ANO2: variants seen among roughly 807,000 people sequenced by gnomAD.
ANO2 encodes anoctamin-2.
In ANO2, 101 loss-of-function variants were observed where a neutral mutation model predicts 124.2. The observed-to-expected ratio is 0.81, with a 90% confidence interval of 0.69 to 0.96. The LOEUF is 0.96. Ranked by LOEUF, ANO2 falls within the 40% of genes least tolerant of loss-of-function variation. ANO2 has a pLI of 0.00. For synonymous variants in ANO2, 486 were observed against 482.5 expected (o/e 1.01, Z -0.09); for missense variants, 1,293 against 1,274.5 (o/e 1.01, Z -0.22).
intron 10 of ANO2, among the ~76,000 whole-genome samples, chr12:5,771,761 C>T (rs1325052125): frequency 6.6e-6 from 1 of 152,092 alleles, no homozygotes; most frequent in Non-Finnish European, 1.5e-5. Flanking sequence ...GAGCAAGATT[C>T]TGTCTCAAAA....
intron 20 of ANO2, among the ~76,000 whole-genome samples, chr12:5,580,389 A>T (rs1309238828): frequency 6.6e-6 from 1 of 152,238 alleles, no homozygotes; most frequent in Non-Finnish European, 1.5e-5. Context: ...CTGTATACTT[A>T]TATGCTAAAC....
chr12:5,808,890 C>T (rs1234729559), intron 7 of ANO2, among the ~76,000 whole-genome samples: 1 of 152,122 alleles, frequency 6.6e-6, no homozygotes, highest in African/African-American at 2.4e-5. Context: ...GCCACAGTTC[C>T]AGGACATTGG....
chr12:5,873,996 C>G (rs1162914118), intron 3 of ANO2, among the ~76,000 whole-genome samples: 2 of 152,198 alleles, frequency 1.3e-5, no homozygotes, highest in African/African-American at 2.4e-5. Context: ...TTGGGCAGAC[C>G]AGGATAGAGG....
chr12:5,732,377 C>T (rs1309137310), intron 14 of ANO2, 143 bp downstream of exon 14: 8 of 633,818 alleles, frequency 1.3e-5, no homozygotes, highest in East Asian at 8.3e-5. Context: ...CAGGACAATG[C>T]GAGATGTCAT....
At position 5,913,668 on chromosome 12, in the gene ANO2, T is replaced by G. The variant is rs1591784183; in HGVS notation, c.534+7372A>C. The stretch of plus-strand genomic sequence containing the variant: ...CCAGCAGGACCCCTTAGTGGCAGCG[T>G]GACCTTGGCCAAGCCACTTGGCCTG... On this transcript the variant is annotated intron_variant, in intron 3 of 24. Transcript: ENST00000682330. 4.6e-5 allele frequency among the ~76,000 whole-genome samples: 7 copies of G among 152,236 alleles called. No individual in the cohort carries two copies. In the South Asian group the frequency reaches 1.4e-3, roughly 31 times the overall value.
intron 3 of ANO2, among the ~76,000 whole-genome samples, chr12:5,906,220 C>G (rs1266932855): frequency 2.0e-5 from 3 of 152,070 alleles, no homozygotes; most frequent in Non-Finnish European, 4.4e-5. Flanking sequence ...CCTGTCAACT[C>G]AAGCTCCTGG....
At chr12:5,929,574 G>A (rs377682824) in intron 1 of ANO2, among the ~76,000 whole-genome samples, 130 of 51,154 alleles carry the variant, frequency 2.5e-3, no homozygotes, top group Admixed American at 7.3e-3. Flanking sequence ...TCACTCGTCT[G>A]CCTTCTTTCC....
chr12:5,880,576 C>G (rs975952100), intron 3 of ANO2, among the ~76,000 whole-genome samples: 6 of 151,868 alleles, frequency 4.0e-5, no homozygotes, highest in African/African-American at 1.5e-4. Flanking sequence ...CCTGGACACC[C>G]AAGGGAGGGA....
chr12:5,704,684 G>T (rs1206866086), intron 14 of ANO2, among the ~76,000 whole-genome samples: 2 of 142,152 alleles, frequency 1.4e-5, no homozygotes, highest in African/African-American at 5.6e-5. Context: ...AAGAGTAAGT[G>T]CTTGGTGTGT....
intron 3 of ANO2, among the ~76,000 whole-genome samples, chr12:5,864,398 C>T (rs183153435): frequency 4.9e-4 from 74 of 152,344 alleles, no homozygotes; most frequent in Admixed American, 9.8e-4. Context: ...CCTGGGCTTC[C>T]AGCACACAGA....
rs367867168 is a variant in ANO2, at chr12:5,806,039, G to A, written c.990+13C>T. The A allele has an allele frequency of 2.0e-5, 33 of 1,613,192 alleles. No individual in the cohort carries two copies. Among genetic ancestry groups the A allele is most frequent in the East Asian group, 4.5e-5 (2 of 44,856 alleles). On this transcript the variant is annotated intron_variant, in intron 9 of 24. Coordinates refer to ENST00000682330, the MANE Select transcript of ANO2 (RefSeq NM_001364791.2). The stretch of plus-strand genomic sequence containing the variant: ...ATGCCCAAAGTCCAGGATGCTGCAC[G>A]AGGCAGGCTTACCTTCCTGTCATTC...
intron 15 of ANO2, among the ~76,000 whole-genome samples, chr12:5,638,638 A>C (rs1417256333): frequency 6.6e-6 from 1 of 151,616 alleles, no homozygotes; most frequent in African/African-American, 2.4e-5. Flanking sequence ...AATCTCTTCC[A>C]ACTAGGTCAA....
In ANO2 at chr12:5,827,803, C is replaced by T; in HGVS notation, c.858G>A (p.Lys286=). 1 of 1,611,562 alleles carries T rather than the reference C, an allele frequency of 6.2e-7. No individual in the cohort carries two copies. The change falls in exon 7 of 25, where the codon AAG becomes AAA. Residue 286 remains lysine, a synonymous_variant. Transcript: ENST00000682330. ...TGTTGGCTCGGGAGCAGGCTGTGCGCTTCAGGATCTCGTGCACCTAAAAGG... is the reference window on the plus strand; with the variant it reads ...TGTTGGCTCGGGAGCAGGCTGTGCGTTTCAGGATCTCGTGCACCTAAAAGG... ...TRSRIVHEIL[K]RTACSRANNT... is the part of the protein sequence containing the mutation.
intron 19 of ANO2, among the ~76,000 whole-genome samples, chr12:5,610,335 A>C (rs1944448424): frequency 1.7e-5 from 1 of 57,824 alleles, no homozygotes. Flanking sequence ...AAATGCATAT[A>C]TTTATACATA....
chr12:5,613,449 T>C (rs1036309981), intron 17 of ANO2, among the ~76,000 whole-genome samples: 1 of 152,198 alleles, frequency 6.6e-6, no homozygotes, highest in Non-Finnish European at 1.5e-5. Context: ...GCTGAAAATA[T>C]TCAAAGGAAT....
chr12:5,922,624 C>A lies in ANO2; in HGVS notation c.203G>T (p.Ser68Ile). 6.5e-7 allele frequency: 1 copy of A among 1,533,108 alleles called. No homozygotes were observed. The highest frequency in any genetic ancestry group is 8.7e-7 in the Non-Finnish European group (1 of 1,143,214). 95.0% of individuals were successfully genotyped at this position (1,533,108 alleles called of 1,614,324 possible). Residue 68 changes from serine (S) to isoleucine (I), a missense_variant, in exon 2 of 25, where the codon AGC becomes ATC. Physicochemically the swap from Ser to Ile is moderately radical, Grantham distance 142 (BLOSUM62 -2). Coordinates refer to ENST00000682330, the MANE Select transcript of ANO2 (RefSeq NM_001364791.2). ...CCACCCCCGCCCAGTACTCACAGAG[C>A]TGCTGCGGGTGCTCTCTCCACCGCA... ...QPCGGESTRS[S>I]SVINNYLDAN... is the part of the protein sequence containing the mutation.
At chr12:5,846,346 A>C (rs2137241645) in intron 4 of ANO2, among the ~76,000 whole-genome samples, 1 of 152,342 alleles carries the variant, frequency 6.6e-6, no homozygotes, top group Admixed American at 6.5e-5. Context: ...TCCATGCACC[A>C]AGTCTCTTCC....
chr12:5,774,397 G>C (rs1952169538), intron 10 of ANO2, among the ~76,000 whole-genome samples: 1 of 152,116 alleles, frequency 6.6e-6, no homozygotes, highest in African/African-American at 2.4e-5. Context: ...GCCTGAGATG[G>C]GGAGGTTGCA....
chr12:5,772,979 ACT>A (rs1952127957), intron 10 of ANO2, among the ~76,000 whole-genome samples: 5 of 152,224 alleles, frequency 3.3e-5, no homozygotes, highest in Non-Finnish European at 5.9e-5. Context: ...ATGTCTGTGG[ACT>A]GCAACAACCA....
Sources: gnomAD v4.1 joint callset for allele counts (sites outside exome capture counted in the v4.1 genomes callset) on GRCh38, gnomAD v4.1.1 for gene constraint, MANE v1.5 for transcripts, NCBI Gene and HGNC (gene_info 2026-07-23, HGNC 2026-07-21) for gene names.